SLC17A1: variants seen among roughly 807,000 people sequenced by gnomAD.
SLC17A1 encodes the protein sodium-dependent phosphate transport protein 1.
Under a neutral mutation model 53.5 loss-of-function variants are expected in SLC17A1, and 51 were observed. The ratio of observed to expected loss-of-function variants is 0.95; its 90% CI spans 0.76 to 1.20. The LOEUF is 1.20. Among genes scored for constraint, SLC17A1 ranks in the 50% most tolerant of loss-of-function variants. The probability of loss-of-function intolerance (pLI) is 0.00; values close to 1 mark genes in which losing one functional copy is unlikely to be tolerated. For synonymous variants in SLC17A1, 179 were observed against 198.8 expected, an observed-to-expected ratio of 0.90 and a Z score of 0.84; for missense variants, 538 against 568.2, an observed-to-expected ratio of 0.95 and a Z score of 0.54.
At chr6:25,724,260 C>T in the SLC17A1 span, among the ~76,000 whole-genome samples, 9 of 152,156 alleles carry the variant, frequency 5.9e-5, no homozygotes, top group Admixed American at 3.9e-4. Context: ...CCTGTCTCTA[C>T]TAACAATACA....
At chr6:25,791,875 G>A (rs1763508336) in intron 12 of SLC17A1, among the ~76,000 whole-genome samples, 1 of 152,242 alleles carries the variant, frequency 6.6e-6, no homozygotes, top group Admixed American at 6.5e-5. Context: ...TGCAAAGGTG[G>A]CGGGAACATT....
chr6:25,740,013 C>G, the SLC17A1 span, among the ~76,000 whole-genome samples: 1,051 of 152,200 alleles, frequency 6.9e-3, 11 homozygotes, highest in African/African-American at 0.023. Flanking sequence ...ATGAAGGATA[C>G]AGGGAACCTC....
chr6:25,770,587 T>C, the SLC17A1 span: 3 of 928,148 alleles, frequency 3.2e-6, no homozygotes, highest in East Asian at 7.4e-5. Flanking sequence ...GTCCTTTCCT[T>C]AAAGCACTAC....
At chr6:25,797,145 AAAAC>A (rs1178030582) in intron 12 of SLC17A1, among the ~76,000 whole-genome samples, 1 of 152,346 alleles carries the variant, frequency 6.6e-6, no homozygotes, top group African/African-American at 2.4e-5. Context: ...AAACAAACAA[AAAAC>A]AAACAAACAA....
intron 12 of SLC17A1, 24 bp downstream of exon 12, chr6:25,798,759 G>T: frequency 6.3e-7 from 1 of 1,578,762 alleles, no homozygotes. Context: ...TTCAAAAATT[G>T]TCCTTAATCT....
At chr6:25,752,217 C>T in the SLC17A1 span, among the ~76,000 whole-genome samples, 2 of 152,224 alleles carry the variant, frequency 1.3e-5, no homozygotes, top group African/African-American at 4.8e-5. Flanking sequence ...GTAGAGCTTG[C>T]TATACACCTA....
intron 10 of SLC17A1, among the ~76,000 whole-genome samples, chr6:25,809,839 G>T (rs1463477751): frequency 6.6e-6 from 1 of 151,998 alleles, no homozygotes; most frequent in East Asian, 1.9e-4. Context: ...CAAAACTGGA[G>T]GCAGCACACT....
At chr6:25,784,848 C>A (rs139437166) in intron 12 of SLC17A1, among the ~76,000 whole-genome samples, 1 of 152,018 alleles carries the variant, frequency 6.6e-6, no homozygotes, top group African/African-American at 2.4e-5. Context: ...TCTAAGATCA[C>A]GAACAAGACA....
At chr6:25,767,491 C>T in the SLC17A1 span, among the ~76,000 whole-genome samples, 1 of 151,886 alleles carries the variant, frequency 6.6e-6, no homozygotes, top group Non-Finnish European at 1.5e-5. Context: ...AGTACCTTGC[C>T]CCAGAATACA....
the SLC17A1 span, among the ~76,000 whole-genome samples, chr6:25,753,041 A>G: frequency 2.0e-5 from 3 of 152,234 alleles, no homozygotes; most frequent in African/African-American, 7.2e-5. Context: ...ATTTTTAAAA[A>G]TTAAAAAAGA....
At position 25,822,911 on chromosome 6, in the gene SLC17A1, A is replaced by G. The variant is rs529357257; in HGVS notation, c.208-2996T>C. Reference sequence around the variant, plus strand: ...GCTATCACCACAATTAAGACAGTGAACATATTCTTTATCTCCAAAAACTTC... The same window carrying G: ...GCTATCACCACAATTAAGACAGTGAGCATATTCTTTATCTCCAAAAACTTC... On this transcript the variant is annotated intron_variant, in intron 3 of 12. Coordinates refer to ENST00000244527, the MANE Select transcript of SLC17A1 (RefSeq NM_005074.5). Among the ~76,000 whole-genome samples, 36 of 152,248 alleles carry G rather than the reference A, an allele frequency of 2.4e-4. 3 individuals are homozygous for G. In the South Asian group the frequency reaches 7.3e-3, roughly 31 times the overall value.
the SLC17A1 span, chr6:25,770,021 T>C: frequency 6.3e-7 from 1 of 1,574,978 alleles, no homozygotes; most frequent in Non-Finnish European, 8.7e-7. Flanking sequence ...ATGAAAACTG[T>C]CAATCCTTCA....
chr6:25,784,056 T>C (rs1351120143), intron 12 of SLC17A1, among the ~76,000 whole-genome samples: 2 of 152,180 alleles, frequency 1.3e-5, no homozygotes, highest in Non-Finnish European at 2.9e-5. Flanking sequence ...ACACTATCTT[T>C]CCTTTGTATT....
At chr6:25,747,054 C>A in the SLC17A1 span, among the ~76,000 whole-genome samples, 8 of 152,296 alleles carry the variant, frequency 5.3e-5, no homozygotes, top group African/African-American at 1.7e-4. Flanking sequence ...CCTCTCAAAG[C>A]AGTTCACCAA....
In SLC17A1 at chr6:25,811,538, G is replaced by A; in HGVS notation, c.1038C>T (p.Leu346=). ...GGCAGACACCAAAGATTGCAGGAAG[G>A]AGAAATCCTGGGGAGTGATTCAGAC... ...VRKLFTAAGF[L]LPAIFGVCLP... Residue 346 remains leucine, a synonymous_variant, in exon 10 of 13, where the codon CTC becomes CTT. Coordinates refer to ENST00000244527, the MANE Select transcript of SLC17A1 (RefSeq NM_005074.5). 6.2e-7 allele frequency: 1 copy of A among 1,613,914 alleles called. No individual in the cohort carries two copies.
chr6:25,741,944 G>A, the SLC17A1 span, among the ~76,000 whole-genome samples: 1 of 152,204 alleles, frequency 6.6e-6, no homozygotes, highest in African/African-American at 2.4e-5. Flanking sequence ...CAGACAAAAT[G>A]GACTCCCTGT....
At chr6:25,733,137 G>C in the SLC17A1 span, among the ~76,000 whole-genome samples, 1 of 152,252 alleles carries the variant, frequency 6.6e-6, no homozygotes, top group South Asian at 2.1e-4. Flanking sequence ...ACCTACTTCA[G>C]GTAGGCAGAG....
the SLC17A1 span, chr6:25,732,623 G>T: frequency 8.8e-7 from 1 of 1,142,340 alleles, no homozygotes; most frequent in Non-Finnish European, 1.3e-6. Flanking sequence ...CCGACACCCT[G>T]GAGTTGGCGG....
the SLC17A1 span, among the ~76,000 whole-genome samples, chr6:25,767,134 AAACATT>A: frequency 1.3e-3 from 194 of 152,288 alleles, 1 homozygote; most frequent in African/African-American, 4.4e-3. Context: ...TATGTACCTA[AAACATT>A]TCAGATCACA....
Sources: gnomAD v4.1 joint callset for allele counts (sites outside exome capture counted in the v4.1 genomes callset) on GRCh38, gnomAD v4.1.1 for gene constraint, MANE v1.5 for transcripts, NCBI Gene and HGNC (gene_info 2026-07-23, HGNC 2026-07-21) for gene names.